The following PALS1 variants were observed in gnomAD, a reference collection of about 807,000 sequenced individuals.
PALS1 encodes the protein protein associated with LIN7 1, MAGUK p55 family member, also known as protein PALS1.
Under a neutral mutation model 78.9 loss-of-function variants are expected in PALS1, and 31 were observed. The ratio of observed to expected loss-of-function variants is 0.39; its 90% CI spans 0.30 to 0.53. The LOEUF (loss-of-function observed/expected upper bound fraction) is 0.53, where lower values mean the gene tolerates loss of function less well. PALS1 is among the 20% of genes least tolerant of loss of function. The pLI is 0.67. For missense variants in PALS1, 704 were observed against 826.5 expected, an observed-to-expected ratio of 0.85 and a Z score of 1.82; for synonymous variants, 276 against 270.9, an observed-to-expected ratio of 1.02 and a Z score of -0.18.
chr14:67,331,167 C>T (rs2085444033), intron 14 of PALS1, among the ~76,000 whole-genome samples: 2 of 152,118 alleles, frequency 1.3e-5, no homozygotes, highest in Non-Finnish European at 2.9e-5. Flanking sequence ...GCCTCAGCCT[C>T]CCAAGTAGCT....
At chr14:67,296,319 C>A (rs1009166373) in intron 4 of PALS1, among the ~76,000 whole-genome samples, 1 of 151,882 alleles carries the variant, frequency 6.6e-6, no homozygotes, top group Admixed American at 6.6e-5. Context: ...GGTGTCCAGA[C>A]GCCGGATGCA....
intron 13 of PALS1, among the ~76,000 whole-genome samples, chr14:67,323,259 G>GTATATA (rs1168967610): frequency 0.045 from 5,669 of 124,862 alleles, 543 homozygotes; most frequent in East Asian, 0.37. Context: ...GTGTGTGTGT[G>GTATATA]TGTATATATA....
intron 4 of PALS1, among the ~76,000 whole-genome samples, chr14:67,300,849 T>A (rs993528035): frequency 1.3e-5 from 2 of 151,884 alleles, no homozygotes; most frequent in African/African-American, 4.8e-5. Context: ...TCTTTTTTTT[T>A]AATTATATAA....
chr14:67,320,495 A>G, intron 12 of PALS1, 98 bp downstream of exon 12: 1 of 1,153,950 alleles, frequency 8.7e-7, no homozygotes, highest in Non-Finnish European at 1.2e-6. Flanking sequence ...ATTTCATTAA[A>G]ACACTGTTGT....
At chr14:67,326,221 ATTTTTTTTTTTTTT>A (rs760127048) in intron 14 of PALS1, among the ~76,000 whole-genome samples, 29 of 12,914 alleles carry the variant, frequency 2.2e-3, no homozygotes, top group South Asian at 4.7e-3. Context: ...TTTAGGTCTG[ATTTTTTTTTTTTTT>A]TTTTTTTTTT....
chr14:67,316,805 AC>A (rs1381605818), intron 9 of PALS1, 26 bp from the exon 10 acceptor site: 1 of 1,582,174 alleles, frequency 6.3e-7, no homozygotes, highest in Non-Finnish European at 8.6e-7. Flanking sequence ...TAAATATTTT[AC>A]CCTTCTTTTT....
At chr14:67,307,239 G>A (rs1434571692) in intron 8 of PALS1, among the ~76,000 whole-genome samples, 3 of 151,622 alleles carry the variant, frequency 2.0e-5, no homozygotes, top group East Asian at 1.9e-4. Flanking sequence ...TCCTTCTCTC[G>A]GCCTTTTTAA....
intron 1 of PALS1, among the ~76,000 whole-genome samples, chr14:67,259,112 G>A (rs1245692537): frequency 6.6e-6 from 1 of 151,700 alleles, no homozygotes; most frequent in Non-Finnish European, 1.5e-5. Context: ...CAAAGTGCTG[G>A]GATTACAGAT....
chr14:67,331,464 A>G (rs1183610159), intron 14 of PALS1, among the ~76,000 whole-genome samples: 1 of 152,064 alleles, frequency 6.6e-6, no homozygotes, highest in Non-Finnish European at 1.5e-5. Context: ...AATGTAACCA[A>G]CCGGTTATCT....
chr14:67,252,188 T>A lies in PALS1; in HGVS notation c.-237+10655T>A, dbSNP rs532385581. ...CATTCAAGCAAATTATTTTTATTTA[T>A]TTATTTTTTGTTTTTCTTAGAATCA... On this transcript the variant is annotated intron_variant, in intron 1 of 14. Coordinates refer to ENST00000261681, the MANE Select transcript of PALS1 (RefSeq NM_022474.4). Among the ~76,000 whole-genome samples, 4 of 152,270 alleles carry A rather than the reference T, an allele frequency of 2.6e-5. No homozygotes were observed. In the East Asian group the frequency reaches 7.7e-4, roughly 29 times the overall value.
intron 3 of PALS1, among the ~76,000 whole-genome samples, chr14:67,289,769 C>CTTT (rs1566552377): frequency 1.6e-5 from 2 of 128,342 alleles, no homozygotes; most frequent in African/African-American, 3.4e-5. Flanking sequence ...TTTCCATGTC[C>CTTT]TTTTTTTTTT....
chr14:67,308,864 T>C (rs2140930401), intron 8 of PALS1, among the ~76,000 whole-genome samples: 1 of 152,308 alleles, frequency 6.6e-6, no homozygotes, highest in Non-Finnish European at 1.5e-5. Context: ...GTAATTCTAA[T>C]AGCCTTCTTG....
chr14:67,301,174 G>A (rs1406994101), intron 4 of PALS1, among the ~76,000 whole-genome samples: 1 of 152,024 alleles, frequency 6.6e-6, no homozygotes, highest in Non-Finnish European at 1.5e-5. Flanking sequence ...ATAGGCGTAA[G>A]TACCAAAATA....
chr14:67,316,705 G>T, intron 9 of PALS1, 127 bp from the exon 10 acceptor site: 1 of 663,992 alleles, frequency 1.5e-6, no homozygotes, highest in Non-Finnish European at 2.4e-6. Context: ...CTCCTGTGTT[G>T]GCAAAAGGAT....
At chr14:67,272,252 C>T (rs28722776) in intron 2 of PALS1, among the ~76,000 whole-genome samples, 4,010 of 152,156 alleles carry the variant, frequency 0.026, 164 homozygotes, top group African/African-American at 0.09. Context: ...TCCTATCTTC[C>T]ACTACTCTCT....
At chr14:67,280,390 T>G (rs1270432232) in intron 3 of PALS1, among the ~76,000 whole-genome samples, 1 of 152,244 alleles carries the variant, frequency 6.6e-6, no homozygotes, top group Non-Finnish European at 1.5e-5. Context: ...TCTACTTTTT[T>G]GTAGAAGGAG....
Position 67,328,277 on chromosome 14 carries a change from C to A in PALS1, c.1851+4465C>A, listed in dbSNP as rs1367553415. ...ATGTGTCTGTTGGCTGCATGAATGT[C>A]TTCTTTTGAGAAGTGTCTGTTCATA... On this transcript the variant is annotated intron_variant, in intron 14 of 14. Coordinates refer to ENST00000261681, the MANE Select transcript of PALS1 (RefSeq NM_022474.4). 2.6e-5 allele frequency among the ~76,000 whole-genome samples: 4 copies of A among 152,170 alleles called. No homozygotes were observed. The East Asian group carries it at 7.7e-4, about 29-fold the overall frequency.
At chr14:67,275,057 A>G (rs1368394641) in intron 2 of PALS1, among the ~76,000 whole-genome samples, 1 of 152,236 alleles carries the variant, frequency 6.6e-6, no homozygotes, top group Non-Finnish European at 1.5e-5. Context: ...CAATCATGTC[A>G]TCTGCAAACA....
chr14:67,321,707 T>C (rs2085267294), intron 13 of PALS1, among the ~76,000 whole-genome samples: 1 of 152,214 alleles, frequency 6.6e-6, no homozygotes, highest in African/African-American at 2.4e-5. Flanking sequence ...ACCCGTCACA[T>C]GAGGCCAGGG....
Sources: allele counts gnomAD v4.1 joint callset (sites outside exome capture counted in the v4.1 genomes callset), GRCh38; gene constraint gnomAD v4.1.1; transcripts MANE v1.5; gene names NCBI Gene and HGNC (gene_info 2026-07-23, HGNC 2026-07-21).